LRRN3: variants seen among roughly 807,000 people sequenced by gnomAD.
The protein encoded by LRRN3 is leucine-rich repeat neuronal protein 3.
In LRRN3, 15 loss-of-function variants were observed where a neutral mutation model predicts 40.1. The observed-to-expected ratio is 0.37, with a 90% CI of 0.25 to 0.58. The LOEUF (loss-of-function observed/expected upper bound fraction) is 0.58, where lower values mean the gene tolerates loss of function less well. Ranked by LOEUF, LRRN3 falls within the 20% of genes least tolerant of loss-of-function variation. The pLI, the probability that LRRN3 is intolerant of heterozygous loss-of-function variation, is 0.72. For synonymous variants in LRRN3, 308 were observed against 297.2 expected (o/e 1.04, Z -0.37); for missense variants, 746 against 837.7 (o/e 0.89, Z 1.35).
chr7:111,122,950 C>T lies in LRRN3; in HGVS notation c.178C>T (p.Leu60Phe). 2 of 1,614,030 alleles carry T rather than the reference C, an allele frequency of 1.2e-6. No individual in the cohort carries two copies. Among genetic ancestry groups the T allele is most frequent in the Non-Finnish European group, 1.7e-6 (2 of 1,179,950 alleles). The change falls in exon 3 of 3, where the codon CTT (leucine) becomes TTT (phenylalanine). Residue 60 changes from leucine to phenylalanine, a missense_variant. By Grantham distance (22) the Leu-to-Phe change is conservative. Transcript: ENST00000308478. ...ASTVDCNDLG[L>F]LTFPARLPAN... Reference sequence around the variant, plus strand: ...TACAGTGGATTGTAATGATTTAGGTCTTTTAACTTTCCCAGCCAGATTGCC... The same window carrying T: ...TACAGTGGATTGTAATGATTTAGGTTTTTTAACTTTCCCAGCCAGATTGCC...
chr7:111,096,692 A>G (rs1347622272), intron 1 of LRRN3, among the ~76,000 whole-genome samples: 2 of 151,876 alleles, frequency 1.3e-5, no homozygotes, highest in Non-Finnish European at 2.9e-5. Context: ...GGGATTTTCC[A>G]GGTTACTAAA....
chr7:111,121,172 A>T (rs1327776746), intron 2 of LRRN3, among the ~76,000 whole-genome samples: 1 of 152,176 alleles, frequency 6.6e-6, no homozygotes, highest in Non-Finnish European at 1.5e-5. Context: ...ATTATCAAGG[A>T]CATATCCTTC....
intron 2 of LRRN3, among the ~76,000 whole-genome samples, chr7:111,112,125 T>A (rs546836170): frequency 1.3e-5 from 2 of 151,752 alleles, no homozygotes; most frequent in Admixed American, 1.3e-4. Context: ...TTTTTGTATT[T>A]TTAGTAGAGA....
intron 2 of LRRN3, among the ~76,000 whole-genome samples, chr7:111,113,976 A>T (rs1487172458): frequency 6.6e-6 from 1 of 152,206 alleles, no homozygotes; most frequent in Non-Finnish European, 1.5e-5. Context: ...GAAATGTGTA[A>T]AATACAAATT....
chr7:111,102,597 A>C (rs879378238), intron 2 of LRRN3, among the ~76,000 whole-genome samples: 1 of 151,642 alleles, frequency 6.6e-6, no homozygotes, highest in Admixed American at 6.6e-5. Context: ...TCAGTCAAAT[A>C]AAAGAGAGAG....
At chr7:111,108,228 C>T (rs984082999) in intron 2 of LRRN3, among the ~76,000 whole-genome samples, 5 of 152,110 alleles carry the variant, frequency 3.3e-5, no homozygotes, top group Admixed American at 6.6e-5. Context: ...CACATCAAAC[C>T]AATTTTCTAG....
chr7:111,099,868 A>G lies in LRRN3; in HGVS notation c.-440-13A>G, dbSNP rs962764943. ...TGGGGTTTTTTTCCTGCTACTTCTT[A>G]CATACAACAAAGACGAGGAAGAGGA... On this transcript the variant is annotated splice_polypyrimidine_tract_variant and intron_variant, in intron 1 of 2. Coordinates refer to ENST00000308478, the MANE Select transcript of LRRN3 (RefSeq NM_001099658.2). 9 of 151,718 alleles carry G rather than the reference A, an allele frequency of 5.9e-5. No homozygotes were observed. The highest frequency in any genetic ancestry group is 1.2e-4 in the Non-Finnish European group (8 of 67,776). The allele number at this position is 151,718 out of a possible 1,614,324, so 9.4% of individuals were successfully genotyped here. A position where few individuals can be genotyped will look rare whatever the true frequency, so the allele number is the denominator to read the frequency against.
Position 111,123,303 on chromosome 7 carries a change from G to C in LRRN3, c.531G>C (p.Gln177His), listed in dbSNP as rs1180688756. 2 of 1,613,812 alleles carry C rather than the reference G, an allele frequency of 1.2e-6. No individual in the cohort carries two copies. The highest frequency in any genetic ancestry group is 1.3e-5 in the African/African-American group (1 of 75,018). ...LRLHLNSNRL[Q>H]MINSKWFDAL... The stretch of plus-strand genomic sequence containing the variant: ...TTCATCTCAATTCAAATAGATTGCA[G>C]ATGATCAACAGTAAGTGGTTTGATG... Residue 177 changes from glutamine (Q) to histidine (H), a missense_variant, in exon 3 of 3, where the codon CAG becomes CAC. Gln to His is a conservative substitution (Grantham distance 24). Coordinates refer to ENST00000308478, the MANE Select transcript of LRRN3 (RefSeq NM_001099658.2). The surrounding 1 kb of genome is among the most constrained non-coding windows in gnomAD (Gnocchi z 6.4).
rs74688193 is a variant in LRRN3, at chr7:111,109,194, T to C, written c.-359+9232T>C. 3.7e-3 allele frequency among the ~76,000 whole-genome samples: 562 copies of C among 152,172 alleles called. 1 individual carries two copies. Among genetic ancestry groups the C allele is most frequent in the Non-Finnish European group, 5.7e-3 (386 of 67,996 alleles). ...AACATCTAGAATGTGTAAAACATTTTCAGTACAATTTAACATGTTCATTGC... is the reference window on the plus strand; with the variant it reads ...AACATCTAGAATGTGTAAAACATTTCCAGTACAATTTAACATGTTCATTGC... On this transcript the variant is annotated intron_variant, in intron 2 of 2. Transcript: ENST00000308478.
chr7:111,108,728 A>G (rs1798831766), intron 2 of LRRN3, among the ~76,000 whole-genome samples: 3 of 152,176 alleles, frequency 2.0e-5, no homozygotes, highest in South Asian at 4.1e-4. Context: ...CCAAGCTTAC[A>G]TCATCACTCA....
chr7:111,113,873 G>A (rs1008069802), intron 2 of LRRN3, among the ~76,000 whole-genome samples: 2 of 151,994 alleles, frequency 1.3e-5, no homozygotes, highest in African/African-American at 4.8e-5. Flanking sequence ...CAAATAAACT[G>A]GAACTAAATC....
In LRRN3 at chr7:111,124,877, GTTTACC is replaced by G; in HGVS notation, c.2106_2111del (p.Leu703_Pro704del). On this transcript the variant is annotated inframe_deletion, in exon 3 of 3. Coordinates refer to ENST00000308478, the MANE Select transcript of LRRN3 (RefSeq NM_001099658.2). ...CTGAAAGTAAAAGCAACTGTTATAG[GTTTACC>G]AACAAATATGTCCTAAAAACCACCA... 6.5e-7 allele frequency: 1 copy of G among 1,546,056 alleles called. No homozygotes were observed.
chr7:111,100,771 T>A (rs1243893051), intron 2 of LRRN3, among the ~76,000 whole-genome samples: 1 of 151,434 alleles, frequency 6.6e-6, no homozygotes, highest in Non-Finnish European at 1.5e-5. Context: ...CCAGGAGGAT[T>A]TATGAACATC....
intron 2 of LRRN3, among the ~76,000 whole-genome samples, chr7:111,100,263 C>T (rs898289181): frequency 6.6e-6 from 1 of 151,442 alleles, no homozygotes; most frequent in Non-Finnish European, 1.5e-5. Context: ...AATGCCTTAT[C>T]ACATATTTCT....
Position 111,124,852 on chromosome 7 carries a change from C to G in LRRN3, c.2080C>G (p.Leu694Val), listed in dbSNP as rs769476294. The G allele has an allele frequency of 1.2e-6, 2 of 1,609,986 alleles. No homozygotes were observed. Among genetic ancestry groups the G allele is most frequent in the Middle Eastern group, 1.7e-4 (1 of 6,048 alleles). Residue 694 changes from leucine (L) to valine (V), a missense_variant, in exon 3 of 3, where the codon CTG (leucine) becomes GTG (valine). By Grantham distance (32) the Leu-to-Val change is conservative. Coordinates refer to ENST00000308478, the MANE Select transcript of LRRN3 (RefSeq NM_001099658.2). ...AGCAGGAAAAGAAAAAAGTACATCA[C>G]TGAAAGTAAAAGCAACTGTTATAGG... Reference protein sequence around the residue: ...WEAGKEKSTSLKVKATVIGLP... With the variant: ...WEAGKEKSTSVKVKATVIGLP...
intron 2 of LRRN3, among the ~76,000 whole-genome samples, chr7:111,107,298 T>C (rs1798658522): frequency 6.6e-6 from 1 of 152,050 alleles, no homozygotes; most frequent in Non-Finnish European, 1.5e-5. Context: ...TATGGGCATG[T>C]AAAATTGCCT....
At chr7:111,108,909 C>T (rs941820799) in intron 2 of LRRN3, among the ~76,000 whole-genome samples, 1 of 152,062 alleles carries the variant, frequency 6.6e-6, no homozygotes, top group African/African-American at 2.4e-5. Context: ...TATTGAACAA[C>T]AATAGCAGGC....
chr7:111,102,307 T>C (rs936227564), intron 2 of LRRN3, among the ~76,000 whole-genome samples: 5 of 151,434 alleles, frequency 3.3e-5, no homozygotes, highest in African/African-American at 9.7e-5. Context: ...TAATGCATCA[T>C]GATGACCAAA....
intron 2 of LRRN3, among the ~76,000 whole-genome samples, chr7:111,104,529 C>A (rs1798328270): frequency 1.3e-5 from 2 of 151,720 alleles, no homozygotes; most frequent in Admixed American, 1.3e-4. Context: ...GCTGAGGGGA[C>A]ATTATATGTG....
Sources: allele counts gnomAD v4.1 joint callset (sites outside exome capture counted in the v4.1 genomes callset), GRCh38; gene constraint gnomAD v4.1.1; non-coding constraint Gnocchi (gnomAD v3.1); transcripts MANE v1.5; gene names NCBI Gene and HGNC (gene_info 2026-07-23, HGNC 2026-07-21).